Variants in PRSS36 observed in about 807,000 individuals in gnomAD.
PRSS36 encodes serine protease 36.
Under a neutral mutation model 94.3 loss-of-function variants are expected in PRSS36, and 90 were observed. The observed-to-expected ratio is 0.95, with a 90% CI of 0.80 to 1.14. The LOEUF (loss-of-function observed/expected upper bound fraction) is 1.14, where lower values mean the gene tolerates loss of function less well. Among genes scored for constraint, PRSS36 ranks in the 50% most tolerant of loss-of-function variants. PRSS36 has a pLI of 0.00. For synonymous variants in PRSS36, 500 were observed against 489.6 expected, an observed-to-expected ratio of 1.02 and a Z score of -0.28; for missense variants, 1,158 against 1,135.0, an observed-to-expected ratio of 1.02 and a Z score of -0.29.
Position 31,140,241 on chromosome 16 carries a change from T to C in PRSS36, c.2289+53A>G, listed in dbSNP as rs563184926. 1.9e-5 allele frequency: 30 copies of C among 1,546,004 alleles called. No individual in the cohort carries two copies. The African/African-American group carries it at 3.2e-4, about 16-fold the overall frequency. ...ATTCTGCTATCTCTCTAGGGTACAG[T>C]AGTCCAACACTGCCTCTCCCCTGCC... is the stretch of plus-strand genomic sequence containing the variant. On this transcript the variant is annotated intron_variant, in intron 14 of 14. Transcript: ENST00000268281.
At chr16:31,143,059 G>A (rs1401773389) in intron 8 of PRSS36, 66 bp from the exon 9 acceptor site, 1 of 1,383,102 alleles carries the variant, frequency 7.2e-7, no homozygotes, top group Non-Finnish European at 9.3e-7. Flanking sequence ...CTCACACCCC[G>A]GCTTAGACTT....
rs1409644787 is a variant in PRSS36, at chr16:31,142,736, C to T, written c.1357+1G>A. 2 of 1,366,114 alleles carry T rather than the reference C, an allele frequency of 1.5e-6. No individual in the cohort carries two copies. Among genetic ancestry groups the T allele is most frequent in the East Asian group, 6.2e-5 (2 of 32,212 alleles). The allele number at this position is 1,366,114 out of a possible 1,614,324, so 84.6% of individuals were successfully genotyped here. A position where few individuals can be genotyped will look rare whatever the true frequency, so the allele number is the denominator to read the frequency against. ...CGGCCCAGCGCCGGTCCCCAGCTCA[C>T]CCCCGCGGCCCCAGCGGGCCAGGCG... On this transcript the variant is annotated splice_donor_variant, in intron 9 of 14. Transcript: ENST00000268281. LOFTEE classifies it high-confidence loss of function.
intron 6 of PRSS36, 85 bp downstream of exon 6, chr16:31,145,704 A>T: frequency 1.5e-6 from 2 of 1,346,812 alleles, no homozygotes; most frequent in East Asian, 4.9e-5. Flanking sequence ...CCTTTTGCAG[A>T]TGAGGCTTGG....
intron 10 of PRSS36, 113 bp downstream of exon 10, chr16:31,142,368 C>T (rs1596845426): frequency 1.6e-6 from 2 of 1,239,746 alleles, no homozygotes; most frequent in African/African-American, 1.5e-5. Context: ...ACCCGCCTTC[C>T]GCAGGCCCCG....
At chr16:31,147,278 G>A (rs928402573) in intron 5 of PRSS36, among the ~76,000 whole-genome samples, 2 of 152,104 alleles carry the variant, frequency 1.3e-5, no homozygotes, top group Non-Finnish European at 2.9e-5. Context: ...TTCCTGCAAT[G>A]TACCCTCTCT....
chr16:31,142,695 ACCGCCCGGTG>A, intron 9 of PRSS36, 32 bp downstream of exon 9: 1 of 1,363,250 alleles, frequency 7.3e-7, no homozygotes, highest in Non-Finnish European at 9.4e-7. Flanking sequence ...CGGCCCCTGC[ACCGCCCGGTG>A]CCGCCCGGCC....
intron 4 of PRSS36, 160 bp from the exon 5 acceptor site, chr16:31,148,835 TG>T: frequency 9.7e-7 from 1 of 1,031,830 alleles, no homozygotes; most frequent in South Asian, 1.6e-5. Context: ...TTGGAGCTGG[TG>T]GTGGGGGGGT....
intron 2 of PRSS36, 34 bp from the exon 3 acceptor site, chr16:31,149,532 T>G (rs1228985017): frequency 1.2e-6 from 2 of 1,613,158 alleles, no homozygotes; most frequent in Non-Finnish European, 8.5e-7. Flanking sequence ...GGAGGACACT[T>G]GTGACTTCCA....
chr16:31,149,580 C>G, intron 2 of PRSS36, 82 bp from the exon 3 acceptor site: 2 of 1,606,834 alleles, frequency 1.2e-6, no homozygotes, highest in Admixed American at 3.3e-5. Context: ...GCTCTCCAAC[C>G]CCCGACCCTA....
At chr16:31,142,713 G>A (rs943234781) in intron 9 of PRSS36, 24 bp downstream of exon 9, 1 of 1,356,734 alleles carries the variant, frequency 7.4e-7, no homozygotes, top group Non-Finnish European at 9.5e-7. Context: ...GTGCCGCCCG[G>A]CCCAGCGCCG....
chr16:31,149,408 C>T, intron 3 of PRSS36, 55 bp downstream of exon 3: 1 of 1,605,324 alleles, frequency 6.2e-7, no homozygotes, highest in Middle Eastern at 1.7e-4. Context: ...TCCCTCATGG[C>T]CTGACCAGCC....
chr16:31,141,509 C>A lies in PRSS36; in HGVS notation c.1861G>T (p.Ala621Ser), dbSNP rs2057689071. ...GDRVCTGILL[A>S]PGWVLAATHC... Reference sequence around the variant, plus strand: ...GTGGCTGCCAGGACCCAGCCTGGGGCCAGGAGGATCCCAGTGCAGACTCGA... The same window carrying A: ...GTGGCTGCCAGGACCCAGCCTGGGGACAGGAGGATCCCAGTGCAGACTCGA... The change falls in exon 12 of 15, where the codon GCC becomes TCC. Residue 621 changes from alanine (A) to serine (S), a missense_variant. Coordinates refer to ENST00000268281, the MANE Select transcript of PRSS36 (RefSeq NM_173502.5). 1.2e-6 allele frequency: 2 copies of A among 1,612,998 alleles called. No individual in the cohort carries two copies. The highest frequency in any genetic ancestry group is 2.2e-5 in the East Asian group (1 of 44,880).
Position 31,139,339 on chromosome 16 carries a change from G to A in PRSS36, c.2367C>T (p.Ser789=). ...GACCAATGGCAGCAAACAGCTCCCG[G>A]CTCCCTTGAACAGCCATGCCCACGA... ...WILVGMAVQG[S]RELFAAIGPE... is the part of the protein sequence containing the mutation. Residue 789 remains serine, a synonymous_variant, in exon 15 of 15, where the codon AGC becomes AGT. Transcript: ENST00000268281. 1 of 1,614,146 alleles carries A rather than the reference G, an allele frequency of 6.2e-7. No individual in the cohort carries two copies. The highest frequency in any genetic ancestry group is 8.5e-7 in the Non-Finnish European group (1 of 1,179,998).
At position 31,145,913 on chromosome 16, in the gene PRSS36, C is replaced by G. The variant is rs754920899; in HGVS notation, c.596G>C (p.Arg199Thr). ...TTGACAGGTGGCCTCGCCCAGCAGC[C>G]TTAGCTCCACTTCCTGTAGCACCCA... ...LPWVLQEVELRLLGEATCQCL... is the reference protein window; with the variant it reads ...LPWVLQEVELTLLGEATCQCL... The change falls in exon 6 of 15, where the codon AGG becomes ACG. Residue 199 changes from arginine to threonine, a missense_variant. By Grantham distance (71) the Arg-to-Thr change is moderately conservative. Coordinates refer to ENST00000268281, the MANE Select transcript of PRSS36 (RefSeq NM_173502.5). 9.9e-6 allele frequency: 16 copies of G among 1,613,880 alleles called. No individual in the cohort carries two copies. Among genetic ancestry groups the G allele is most frequent in the Admixed American group, 3.3e-5 (2 of 60,002 alleles).
Position 31,148,503 on chromosome 16 carries a change from C to A in PRSS36, c.445G>T (p.Ala149Ser). 3 of 1,579,214 alleles carry A rather than the reference C, an allele frequency of 1.9e-6. No homozygotes were observed. Among genetic ancestry groups the A allele is most frequent in the East Asian group, 2.3e-5 (1 of 43,664 alleles). ...DLALLRLASPASLGPAVWPVC... is the reference protein window; with the variant it reads ...DLALLRLASPSSLGPAVWPVC... The stretch of plus-strand genomic sequence containing the variant: ...GGCCACACGGCGGGGCCCAGGCTGG[C>A]GGGTGAGGCCAGGCGCAGCAGGGCC... Residue 149 changes from alanine (A) to serine (S), a missense_variant, in exon 5 of 15, where the codon GCC (alanine) becomes TCC (serine). Transcript: ENST00000268281.
In PRSS36 at chr16:31,142,998, G is replaced by A. The variant is rs896112131; in HGVS notation, c.1101-5C>T. On this transcript the variant is annotated splice_polypyrimidine_tract_variant and splice_region_variant and intron_variant, in intron 8 of 14. Coordinates refer to ENST00000268281, the MANE Select transcript of PRSS36 (RefSeq NM_173502.5). ...GGGCTGTCGGAGCTGTTCGGGCTGC[G>A]GGATGGGGGCCGAGGGACGTGGGCC... is the stretch of plus-strand genomic sequence containing the variant. The A allele has an allele frequency of 5.1e-6, 7 of 1,385,094 alleles. No homozygotes were observed. The highest frequency in any genetic ancestry group is 3.5e-5 in the Admixed American group (1 of 28,878). The allele number at this position is 1,385,094 out of a possible 1,614,324, so 85.8% of individuals were successfully genotyped here. A position where few individuals can be genotyped will look rare whatever the true frequency, so the allele number is the denominator to read the frequency against.
intron 3 of PRSS36, 92 bp downstream of exon 3, chr16:31,149,371 T>A: frequency 6.4e-7 from 1 of 1,562,210 alleles, no homozygotes; most frequent in Non-Finnish European, 8.8e-7. Context: ...GGACCCAGGC[T>A]TGTCTACATT....
Position 31,139,046 on chromosome 16 carries a change from TTG to T in PRSS36, c.*90_*91del. 1 of 1,381,402 alleles carries T rather than the reference TTG, an allele frequency of 7.2e-7. No individual in the cohort carries two copies. The highest frequency in any genetic ancestry group is 9.7e-7 in the Non-Finnish European group (1 of 1,030,098). 85.6% of individuals were successfully genotyped at this position (1,381,402 alleles called of 1,614,324 possible). A position where few individuals can be genotyped will look rare whatever the true frequency, so the allele number is the denominator to read the frequency against. On this transcript the variant is annotated 3_prime_UTR_variant, in exon 15 of 15. Coordinates refer to ENST00000268281, the MANE Select transcript of PRSS36 (RefSeq NM_173502.5). ...GCTGCAATCTCGGTGGGTGGGGCCCTTGAGGTTCCAGCCGGCTGGGCCACATT... is the reference window on the plus strand; with the variant it reads ...GCTGCAATCTCGGTGGGTGGGGCCCTAGGTTCCAGCCGGCTGGGCCACATT...
At position 31,143,586 on chromosome 16, in the gene PRSS36, A is replaced by G. The variant is rs1272858270; in HGVS notation, c.970+2T>C. On this transcript the variant is annotated splice_donor_variant, in intron 7 of 14. Transcript: ENST00000268281. LOFTEE classifies it high-confidence loss of function. ...TTACATCCAGGGGTGCCGCCCACTC[A>G]CCAGGCAGGGCAATGGTGCAGTTCT... 4 of 1,613,808 alleles carry G rather than the reference A, an allele frequency of 2.5e-6. No individual in the cohort carries two copies. The African/African-American group carries it at 5.3e-5, about 22-fold the overall frequency.
Sources: gnomAD v4.1 joint callset for allele counts (sites outside exome capture counted in the v4.1 genomes callset) on GRCh38, gnomAD v4.1.1 for gene constraint, MANE v1.5 for transcripts, NCBI Gene and HGNC (gene_info 2026-07-23, HGNC 2026-07-21) for gene names.